Variants in ISM2 observed in about 807,000 individuals in gnomAD.
ISM2 encodes isthmin 2.
ISM2 carries 50 observed loss-of-function variants against 58.0 expected under a neutral mutation model. The ratio of observed to expected loss-of-function variants is 0.86; its 90% CI spans 0.69 to 1.09. The LOEUF is 1.09. Ranked by LOEUF, ISM2 falls within the 50% of genes least tolerant of loss-of-function variation. The probability of loss-of-function intolerance (pLI) is 0.00; values close to 1 mark genes in which losing one functional copy is unlikely to be tolerated. For synonymous variants in ISM2, 303 were observed against 312.4 expected, an observed-to-expected ratio of 0.97 and a Z score of 0.32; for missense variants, 723 against 745.0, an observed-to-expected ratio of 0.97 and a Z score of 0.34.
At chr14:77,494,474 A>G (rs1012029047) in intron 1 of ISM2, among the ~76,000 whole-genome samples, 2 of 151,296 alleles carry the variant, frequency 1.3e-5, no homozygotes, top group African/African-American at 2.4e-5. Flanking sequence ...TCGGCTCACT[A>G]TGACCTCTGC....
chr14:77,482,729 G>A lies in ISM2; in HGVS notation c.628-62C>T, dbSNP rs141261161. ...TCTTAGAGCTGCATTCCAAAGAGAC[G>A]AGGGATGATGGGGTCAGGGTCAGAG... On this transcript the variant is annotated intron_variant, in intron 3 of 6. Transcript: ENST00000342219. 137 of 1,033,096 alleles carry A rather than the reference G, an allele frequency of 1.3e-4. 1 individual carries two copies. The African/African-American group carries it at 1.8e-3, about 13-fold the overall frequency. 64.0% of individuals were successfully genotyped at this position (1,033,096 alleles called of 1,614,324 possible).
chr14:77,478,282 C>T lies in ISM2; in HGVS notation c.1158G>A (p.Trp386Ter). Residue 386 changes from tryptophan (W) to a stop codon, truncating the protein, a stop_gained, in exon 6 of 7, where the codon TGG becomes TGA. Transcript: ENST00000342219. LOFTEE classifies it high-confidence loss of function. ...CCGTAGCATTGCGGGCCAGGAGCTT[C>T]CACTCCTCACTGGGGAGGCCCAAGG... Reference protein sequence around the residue: ...KDTLGLPSEEWKLLARNATDM... With the variant: ...KDTLGLPSEE 2 of 1,614,198 alleles carry T rather than the reference C, an allele frequency of 1.2e-6. No individual in the cohort carries two copies. Among genetic ancestry groups the T allele is most frequent in the Non-Finnish European group, 1.7e-6 (2 of 1,180,016 alleles).
chr14:77,496,186 CA>C lies in ISM2; in HGVS notation c.141+2466del, dbSNP rs1187094203. Among the ~76,000 whole-genome samples, 401 of 118,152 alleles carry C rather than the reference CA, an allele frequency of 3.4e-3. 3 individuals carry two copies. Among genetic ancestry groups the C allele is most frequent in the Non-Finnish European group, 3.2e-3 (177 of 55,674 alleles). The allele number at this position is 118,152 out of a possible 152,430, so 77.5% of individuals were successfully genotyped here. On this transcript the variant is annotated intron_variant, in intron 1 of 6. Transcript: ENST00000342219. ...GCCGAGATTGAGCAAGACTCCATGC[CA>C]AAAAAAAAAAAAAAAATTCAGCCGG...
intron 3 of ISM2, among the ~76,000 whole-genome samples, chr14:77,483,629 CGTGTGCGT>C (rs986856196): frequency 6.0e-5 from 9 of 150,190 alleles, no homozygotes; most frequent in Admixed American, 2.0e-4. Flanking sequence ...TTTGCGTGTG[CGTGTGCGT>C]GTGTGCGTGT....
intron 1 of ISM2, among the ~76,000 whole-genome samples, chr14:77,496,128 T>C (rs1320357847): frequency 6.8e-6 from 1 of 148,132 alleles, no homozygotes; most frequent in African/African-American, 2.5e-5. Flanking sequence ...GGCAGGAGAA[T>C]CGCTTGAACT....
Position 77,478,253 on chromosome 14 carries a change from A to G in ISM2, c.1187T>C (p.Met396Thr), listed in dbSNP as rs151314881. 60 of 1,614,014 alleles carry G rather than the reference A, an allele frequency of 3.7e-5. No homozygotes were observed. In the South Asian group the frequency reaches 6.1e-4, roughly 17 times the overall value. Residue 396 changes from methionine (M) to threonine (T), a missense_variant, in exon 6 of 7, where the codon ATG becomes ACG. By Grantham distance (81) the Met-to-Thr change is moderately conservative. Transcript: ENST00000342219. ...AGCCCCTCACTCACCTTGATCATGC[A>G]TGTCCGTAGCATTGCGGGCCAGGAG... The part of the protein sequence containing the change: ...WKLLARNATD[M>T]HDQDVDSCEK...
intron 1 of ISM2, 91 bp downstream of exon 1, chr14:77,498,562 T>G (rs1299580787): frequency 9.4e-6 from 13 of 1,383,396 alleles, no homozygotes; most frequent in Non-Finnish European, 1.2e-5. Flanking sequence ...CCTGTGTGTG[T>G]CCCGGTCCCG....
At position 77,479,908 on chromosome 14, in the gene ISM2, C is replaced by T. The variant is rs529095954; in HGVS notation, c.974-1193G>A. Among the ~76,000 whole-genome samples the T allele has an allele frequency of 1.2e-4, 19 of 152,298 alleles. No individual in the cohort carries two copies. The East Asian group carries it at 3.5e-3, about 28-fold the overall frequency. On this transcript the variant is annotated intron_variant, in intron 4 of 6. Coordinates refer to ENST00000342219, the MANE Select transcript of ISM2 (RefSeq NM_199296.3). ...CTCCTGGGCTCAAGCGATCCTCCAG[C>T]CTCAGCCTCCCAAAATGCTGGGATT...
intron 1 of ISM2, among the ~76,000 whole-genome samples, chr14:77,491,043 A>C (rs1235453289): frequency 6.6e-6 from 1 of 152,252 alleles, no homozygotes; most frequent in Non-Finnish European, 1.5e-5. Flanking sequence ...AGATAAAATC[A>C]GCCTTTAGGA....
In ISM2 at chr14:77,475,895, C is replaced by T. The variant is rs1160704607; in HGVS notation, c.1416G>A (p.Ala472=). The change falls in exon 7 of 7, where the codon GCG becomes GCA. Residue 472 remains alanine (A), a synonymous_variant. Transcript: ENST00000342219. The surrounding 1 kb of genome is among the most constrained non-coding windows in gnomAD (Gnocchi z 4.1). ...ACAGCATGGAACGCAGGCAGAAGCG[C>T]GCCGTGGGCTGGTAGATGTCCAGGC... ...RERLDIYQPT[A]RFCLRSMLSG... The T allele has an allele frequency of 3.1e-6, 5 of 1,603,560 alleles. No individual in the cohort carries two copies. Among genetic ancestry groups the T allele is most frequent in the South Asian group, 1.1e-5 (1 of 91,064 alleles).
rs1233545803 is a variant in ISM2 at position 77,484,451 on chromosome 14, G to C, written c.499C>G (p.Pro167Ala). 1.9e-6 allele frequency: 3 copies of C among 1,612,462 alleles called. No individual in the cohort carries two copies. The highest frequency in any genetic ancestry group is 8.5e-7 in the Non-Finnish European group (1 of 1,179,336). ...HQHGCWTVTE[P>A]AALTPGNATP... ...GCATTCCCTGGGGTCAGGGCTGCTG[G>C]CTCAGTGACAGTCCAACATCCATGT... The change falls in exon 3 of 7, where the codon CCA (proline) becomes GCA (alanine). Residue 167 changes from proline to alanine, a missense_variant. Physicochemically the swap from Pro to Ala is conservative, Grantham distance 27. Coordinates refer to ENST00000342219, the MANE Select transcript of ISM2 (RefSeq NM_199296.3).
At chr14:77,498,535 C>G (rs943975084) in intron 1 of ISM2, 118 bp downstream of exon 1, 10 of 1,363,690 alleles carry the variant, frequency 7.3e-6, no homozygotes, top group Non-Finnish European at 9.8e-6. Context: ...GCCCCTCTCT[C>G]CATCGGGGGG....
In ISM2 at chr14:77,481,807, G is replaced by A. The variant is rs77982689; in HGVS notation, c.973+515C>T. ...GGGTCAAATGTTGTTCAGAAAAAAA[G>A]AAAAAAAAAAGGCTGGGCACAGTGG... On this transcript the variant is annotated intron_variant, in intron 4 of 6. Transcript: ENST00000342219. Among the ~76,000 whole-genome samples the A allele has an allele frequency of 3.6e-4, 54 of 148,346 alleles. No individual in the cohort carries two copies. In the East Asian group the frequency reaches 4.3e-3, roughly 12 times the overall value.
chr14:77,481,736 T>C (rs1407973937), intron 4 of ISM2, among the ~76,000 whole-genome samples: 1 of 151,794 alleles, frequency 6.6e-6, no homozygotes, highest in African/African-American at 2.4e-5. Flanking sequence ...ATAAATATAA[T>C]AGTAACAAAT....
chr14:77,477,972 C>A (rs928212624), intron 6 of ISM2, among the ~76,000 whole-genome samples: 3 of 152,178 alleles, frequency 2.0e-5, no homozygotes, highest in African/African-American at 7.2e-5. Flanking sequence ...TATCCTGCTG[C>A]CAGGGAGGAT....
chr14:77,492,699 T>G (rs1704007986), intron 1 of ISM2, among the ~76,000 whole-genome samples: 1 of 152,052 alleles, frequency 6.6e-6, no homozygotes, highest in South Asian at 2.1e-4. Flanking sequence ...TTTTATTTAA[T>G]TAATTTATTT....
intron 4 of ISM2, 31 bp from the exon 5 acceptor site, chr14:77,478,746 G>A: frequency 6.3e-7 from 1 of 1,594,870 alleles, no homozygotes; most frequent in Non-Finnish European, 8.6e-7. Flanking sequence ...GGGGGTGAGT[G>A]CATATAGCTC....
At chr14:77,487,485 C>T (rs1207407403) in intron 1 of ISM2, among the ~76,000 whole-genome samples, 1 of 152,126 alleles carries the variant, frequency 6.6e-6, no homozygotes, top group Admixed American at 6.5e-5. Flanking sequence ...CTTTCCAGAC[C>T]TCTCTACCCA....
At chr14:77,496,029 AT>A (rs2079237527) in intron 1 of ISM2, among the ~76,000 whole-genome samples, 1 of 151,958 alleles carries the variant, frequency 6.6e-6, no homozygotes, top group African/African-American at 2.4e-5. Context: ...CCTGGTCAAC[AT>A]GACGAAACCC....
Sources: allele counts gnomAD v4.1 joint callset (sites outside exome capture counted in the v4.1 genomes callset), GRCh38; gene constraint gnomAD v4.1.1; non-coding constraint Gnocchi (gnomAD v3.1); transcripts MANE v1.5; gene names NCBI Gene and HGNC (gene_info 2026-07-23, HGNC 2026-07-21).